TULP4: variants seen among roughly 807,000 people sequenced by gnomAD.
The protein encoded by TULP4 is tubby-related protein 4.
Under a neutral mutation model 129.0 loss-of-function variants are expected in TULP4, and 16 were observed. That is an observed-to-expected ratio of 0.12 (90% CI 0.08 to 0.19). The LOEUF (loss-of-function observed/expected upper bound fraction) is 0.19. Among genes scored for constraint, TULP4 ranks in the 10% least tolerant of loss-of-function variants. The probability of loss-of-function intolerance (pLI) is 1.00; values close to 1 mark genes in which losing one functional copy is unlikely to be tolerated. For synonymous variants in TULP4, 998 were observed against 854.0 expected (o/e 1.17, Z -2.94); for missense variants, 1,842 against 2,059.1 (o/e 0.89, Z 2.04).
chr6:158,370,870 T>C (rs1777055666), intron 1 of TULP4, among the ~76,000 whole-genome samples: 1 of 152,202 alleles, frequency 6.6e-6, no homozygotes, highest in African/African-American at 2.4e-5. Context: ...AGTCTCTGTT[T>C]CTCCATTTTC....
At chr6:158,359,313 A>G (rs1000981738) in intron 1 of TULP4, among the ~76,000 whole-genome samples, 1 of 152,192 alleles carries the variant, frequency 6.6e-6, no homozygotes, top group African/African-American at 2.4e-5. Flanking sequence ...AAAGGAAACT[A>G]ATGTCATCTT....
chr6:158,425,255 T>C (rs827959), intron 2 of TULP4, among the ~76,000 whole-genome samples: 64,928 of 148,392 alleles, frequency 0.44, 14,454 homozygotes, highest in South Asian at 0.56. Context: ...GGCTCACACA[T>C]GTAATCCCAG....
At chr6:158,283,798 T>G (rs1778795982) in intron 1 of TULP4, among the ~76,000 whole-genome samples, 1 of 152,164 alleles carries the variant, frequency 6.6e-6, no homozygotes, top group Non-Finnish European at 1.5e-5. Context: ...AGGCTCCTCC[T>G]CCACCCCAGC....
intron 3 of TULP4, 29 bp downstream of exon 3, chr6:158,429,926 T>C: frequency 6.2e-7 from 1 of 1,607,150 alleles, no homozygotes; most frequent in African/African-American, 1.3e-5. Context: ...GGTGGGTGTG[T>C]GACGTTAAAA....
At chr6:158,332,838 C>T (rs540855756) in intron 1 of TULP4, among the ~76,000 whole-genome samples, 2 of 152,176 alleles carry the variant, frequency 1.3e-5, no homozygotes, top group South Asian at 2.1e-4. Context: ...ACCTTGTGCT[C>T]ACTTTAAAGG....
chr6:158,473,582 G>A (rs533319846), intron 6 of TULP4, among the ~76,000 whole-genome samples: 4 of 152,296 alleles, frequency 2.6e-5, no homozygotes, highest in South Asian at 2.1e-4. Flanking sequence ...GCAATGGCGC[G>A]ATCTCAGCTC....
intron 6 of TULP4, among the ~76,000 whole-genome samples, chr6:158,475,356 G>A (rs1779793817): frequency 6.6e-6 from 1 of 152,260 alleles, no homozygotes. Flanking sequence ...ATGCAGCTCA[G>A]TTTCTTGCAC....
chr6:158,327,419 C>T (rs944808363), intron 1 of TULP4, among the ~76,000 whole-genome samples: 2 of 152,184 alleles, frequency 1.3e-5, no homozygotes, highest in Non-Finnish European at 2.9e-5. Context: ...TGGATTTTCT[C>T]TGTTTTCTCT....
At chr6:158,312,441 T>A (rs1779377523), upstream of TULP4, 2 of 242,336 alleles carry the variant, frequency 8.3e-6, no homozygotes, top group South Asian at 3.5e-4. Context: ...AGTGAGAAGG[T>A]GACTGAGAAA....
intron 1 of TULP4, among the ~76,000 whole-genome samples, chr6:158,376,203 G>T (rs913481685): frequency 1.3e-5 from 2 of 152,172 alleles, no homozygotes; most frequent in Non-Finnish European, 2.9e-5. Context: ...TAAAAAAGCG[G>T]TAACCATTTC....
chr6:158,284,411 G>A (rs1286177029), intron 1 of TULP4, among the ~76,000 whole-genome samples: 1 of 152,196 alleles, frequency 6.6e-6, no homozygotes, highest in Non-Finnish European at 1.5e-5. Context: ...AGAAAGAAAT[G>A]CAAATCCTTT....
chr6:158,317,852 A>G (rs549617808), intron 1 of TULP4, among the ~76,000 whole-genome samples: 80 of 152,286 alleles, frequency 5.3e-4, no homozygotes, highest in African/African-American at 1.8e-3. Context: ...TCACCATTCT[A>G]ACTGGTGTGA....
At chr6:158,250,383 CTT>C (rs1372905653) in intron 1 of TULP4, among the ~76,000 whole-genome samples, 1 of 152,088 alleles carries the variant, frequency 6.6e-6, no homozygotes, top group Non-Finnish European at 1.5e-5. Flanking sequence ...ATCTCGATCT[CTT>C]GACCTCGTGA....
chr6:158,502,936 C>T lies in TULP4; in HGVS notation c.3273C>T (p.Asp1091=), dbSNP rs146389683. The T allele has an allele frequency of 5.9e-5, 95 of 1,613,882 alleles. No individual in the cohort carries two copies. The highest frequency in any genetic ancestry group is 1.6e-4 in the Middle Eastern group (1 of 6,084). ...ACGTCAACTCGGCCTTCACGGAGGA[C>T]GAGGCCCTGTCCCAGCACTGTCAGC... ...TDYVNSAFTE[D]EALSQHCQLE... Residue 1091 remains aspartate (D), a synonymous_variant, in exon 13 of 14, where the codon GAC becomes GAT. Coordinates refer to ENST00000367097, the MANE Select transcript of TULP4 (RefSeq NM_020245.5).
intron 1 of TULP4, among the ~76,000 whole-genome samples, chr6:158,270,480 G>C (rs913671417): frequency 2.6e-5 from 4 of 152,114 alleles, no homozygotes; most frequent in Non-Finnish European, 5.9e-5. Context: ...ACTGGACTTC[G>C]ATGAGTTTTG....
At chr6:158,261,889 G>T (rs1277017311) in intron 1 of TULP4, among the ~76,000 whole-genome samples, 1 of 152,122 alleles carries the variant, frequency 6.6e-6, no homozygotes, top group Admixed American at 6.5e-5. Context: ...AGGGTGGGAA[G>T]GGCAAAGGAC....
At chr6:158,410,102 C>A (rs1188774419) in intron 1 of TULP4, among the ~76,000 whole-genome samples, 1 of 152,196 alleles carries the variant, frequency 6.6e-6, no homozygotes, top group African/African-American at 2.4e-5. Context: ...CATCTGCCCT[C>A]CTCTGCCTCC....
chr6:158,421,012 A>G (rs1392518580), intron 2 of TULP4, among the ~76,000 whole-genome samples: 2 of 152,022 alleles, frequency 1.3e-5, no homozygotes, highest in Non-Finnish European at 2.9e-5. Context: ...GTCGGGCCGC[A>G]GTTTGGTTTT....
At chr6:158,397,786 T>G (rs1002963335) in intron 1 of TULP4, 4 of 152,066 alleles carry the variant, frequency 2.6e-5, no homozygotes, top group Non-Finnish European at 4.4e-5. Flanking sequence ...TTTAAGCCAG[T>G]GAGATCTGGG....
Sources: allele counts gnomAD v4.1 joint callset (sites outside exome capture counted in the v4.1 genomes callset), GRCh38; gene constraint gnomAD v4.1.1; transcripts MANE v1.5; gene names NCBI Gene and HGNC (gene_info 2026-07-23, HGNC 2026-07-21).